The following PRRC2C variants were observed in gnomAD, a reference collection of about 807,000 sequenced individuals.
PRRC2C encodes the protein protein PRRC2C.
Under a neutral mutation model 317.2 loss-of-function variants are expected in PRRC2C, and 72 were observed. The observed-to-expected ratio is 0.23, with a 90% CI of 0.19 to 0.28. PRRC2C has a LOEUF of 0.28. Among genes scored for constraint, PRRC2C ranks in the 10% least tolerant of loss-of-function variants. The probability of loss-of-function intolerance (pLI) is 1.00; values close to 1 mark genes in which losing one functional copy is unlikely to be tolerated. For missense variants in PRRC2C, 3,074 were observed against 3,459.7 expected (o/e 0.89, Z 2.80); for synonymous variants, 1,296 against 1,205.9 (o/e 1.07, Z -1.55).
chr1:171,504,009 G>T (rs544180551), intron 1 of PRRC2C, among the ~76,000 whole-genome samples: 1 of 152,158 alleles, frequency 6.6e-6, no homozygotes, highest in East Asian at 1.9e-4. Flanking sequence ...CCCATGACAT[G>T]TGGGAATTGA....
At chr1:171,548,147 A>G (rs1167310058) in intron 17 of PRRC2C, among the ~76,000 whole-genome samples, 1 of 151,540 alleles carries the variant, frequency 6.6e-6, no homozygotes, top group African/African-American at 2.4e-5. Flanking sequence ...TTGTATTTTT[A>G]GTAGAGAGAG....
intron 1 of PRRC2C, among the ~76,000 whole-genome samples, chr1:171,494,027 T>TACTAAATATTG (rs1667666805): frequency 6.6e-6 from 1 of 152,214 alleles, no homozygotes; most frequent in Non-Finnish European, 1.5e-5. Context: ...TTGCCTGTGG[T>TACTAAATATTG]CACCTAGCTA....
In PRRC2C at chr1:171,586,919, T is replaced by C. The variant is rs570008912; in HGVS notation, c.7750-84T>C. 8.6e-6 allele frequency: 9 copies of C among 1,043,598 alleles called. No individual in the cohort carries two copies. The East Asian group carries it at 2.3e-4, about 27-fold the overall frequency. The allele number at this position is 1,043,598 out of a possible 1,614,324, so 64.6% of individuals were successfully genotyped here. On this transcript the variant is annotated intron_variant, in intron 30 of 34. Coordinates refer to ENST00000647382, the MANE Select transcript of PRRC2C (RefSeq NM_001387844.1). ...CTGTTTGAAATCTTACTCAAAAGTA[T>C]TTGAAGAGTTGTGTATAGTTGTATG...
intron 1 of PRRC2C, among the ~76,000 whole-genome samples, chr1:171,505,825 G>T (rs1231295532): frequency 6.6e-6 from 1 of 152,188 alleles, no homozygotes; most frequent in Non-Finnish European, 1.5e-5. Context: ...TCAGTCAACA[G>T]TGGGCCGCAT....
intron 34 of PRRC2C, among the ~76,000 whole-genome samples, chr1:171,590,176 T>C (rs1441019300): frequency 6.6e-6 from 1 of 152,192 alleles, no homozygotes; most frequent in Non-Finnish European, 1.5e-5. Context: ...CATACCCTTA[T>C]TGGCCTACCA....
chr1:171,577,698 T>A, intron 26 of PRRC2C, 61 bp downstream of exon 26: 1 of 1,452,020 alleles, frequency 6.9e-7, no homozygotes, highest in Non-Finnish European at 9.5e-7. Context: ...AAAATGCTTA[T>A]TTTTGTCTCT....
At chr1:171,529,932 G>A (rs1675455356) in intron 11 of PRRC2C, among the ~76,000 whole-genome samples, 1 of 152,130 alleles carries the variant, frequency 6.6e-6, no homozygotes, top group Non-Finnish European at 1.5e-5. Context: ...ACCCTACTGT[G>A]ATAGCTGTAC....
Position 171,522,203 on chromosome 1 carries a change from A to G in PRRC2C, c.777A>G (p.Thr259=), listed in dbSNP as rs375244990. ...TGTTCCAACAGTATCCGAGGATGAC[A>G]TATCCTCCTCTACATGGTCCCATGA... The part of the protein sequence containing the change: ...PYMFQQYPRM[T]YPPLHGPMRF... Residue 259 remains threonine, a synonymous_variant, in exon 7 of 35, where the codon ACA becomes ACG. Transcript: ENST00000647382. 6.3e-7 allele frequency: 1 copy of G among 1,594,562 alleles called. No homozygotes were observed. The highest frequency in any genetic ancestry group is 8.6e-7 in the Non-Finnish European group (1 of 1,165,514).
intron 27 of PRRC2C, 144 bp from the exon 28 acceptor site, chr1:171,579,684 T>A (rs1648067917): frequency 7.8e-7 from 1 of 1,286,426 alleles, no homozygotes; most frequent in African/African-American, 1.5e-5. Context: ...TTTAGATGTT[T>A]ACATTCAGTT....
chr1:171,537,230 C>G (rs1677002379), intron 14 of PRRC2C, 33 bp from the exon 15 acceptor site: 15 of 1,492,260 alleles, frequency 1.0e-5, no homozygotes, highest in African/African-American at 1.4e-5. Flanking sequence ...TTTCAAAATC[C>G]TCATTTCACC....
intron 10 of PRRC2C, among the ~76,000 whole-genome samples, chr1:171,526,803 A>ATGTTTTTTTTTTTT (rs1557918055): frequency 1.2e-5 from 1 of 85,796 alleles, no homozygotes; most frequent in African/African-American, 4.8e-5. Context: ...TCAGAAATAT[A>ATGTTTTTTTTTTTT]TCTTTTTTTT....
chr1:171,542,327 G>T, intron 16 of PRRC2C, 98 bp downstream of exon 16: 1 of 1,110,490 alleles, frequency 9.0e-7, no homozygotes, highest in Non-Finnish European at 1.3e-6. Flanking sequence ...TCTAGATAAA[G>T]GACCAAAAAA....
In PRRC2C at chr1:171,505,721, G is replaced by GT. The variant is rs113072877; in HGVS notation, c.-57-6306dup. 6.7e-3 allele frequency among the ~76,000 whole-genome samples: 1,023 copies of GT among 152,142 alleles called. 15 individuals are homozygous for GT. The highest frequency in any genetic ancestry group is 0.023 in the African/African-American group (970 of 41,498). On this transcript the variant is annotated intron_variant, in intron 1 of 34. Coordinates refer to ENST00000647382, the MANE Select transcript of PRRC2C (RefSeq NM_001387844.1). ...TTCCCTTCTATTCCTATTTATTGAG[G>GT]TTTTTGTTTTGTTTCTGTTTTTCAA... is the stretch of plus-strand genomic sequence containing the variant.
At chr1:171,528,915 G>T (rs2102399682) in intron 11 of PRRC2C, among the ~76,000 whole-genome samples, 1 of 151,696 alleles carries the variant, frequency 6.6e-6, no homozygotes, top group East Asian at 2.0e-4. Flanking sequence ...GGCTCAAGGG[G>T]TCCTCTCACC....
In PRRC2C at chr1:171,540,264, A is replaced by G. The variant is rs752391235; in HGVS notation, c.2798A>G (p.His933Arg). The change falls in exon 16 of 35, where the codon CAT (histidine) becomes CGT (arginine). Residue 933 changes from histidine to arginine, a missense_variant. Coordinates refer to ENST00000647382, the MANE Select transcript of PRRC2C (RefSeq NM_001387844.1). ...RKRSVSHGSNHTQKPDEQRSE... is the reference protein window; with the variant it reads ...RKRSVSHGSNRTQKPDEQRSE... ...AGAAGTGTTTCCCATGGATCTAACC[A>G]TACGCAAAAACCAGACGAGCAGAGA... 3 of 1,613,902 alleles carry G rather than the reference A, an allele frequency of 1.9e-6. No homozygotes were observed. Among genetic ancestry groups the G allele is most frequent in the African/African-American group, 1.3e-5 (1 of 75,032 alleles).
chr1:171,517,569 T>G (rs1276531322), intron 5 of PRRC2C, 22 bp from the exon 6 acceptor site: 1 of 1,587,982 alleles, frequency 6.3e-7, no homozygotes, highest in Admixed American at 1.8e-5. Flanking sequence ...TCTTTTTCCT[T>G]TTTTCTCTGC....
At chr1:171,585,587 C>T (rs1049925094) in intron 30 of PRRC2C, among the ~76,000 whole-genome samples, 5 of 152,104 alleles carry the variant, frequency 3.3e-5, no homozygotes, top group African/African-American at 1.2e-4. Context: ...CTTCTCATAG[C>T]TCATTTTGAC....
chr1:171,559,418 T>TTATGCTAAA (rs1312219930), intron 19 of PRRC2C, among the ~76,000 whole-genome samples: 1 of 151,384 alleles, frequency 6.6e-6, no homozygotes, highest in Non-Finnish European at 1.5e-5. Flanking sequence ...CCCTTAAAAA[T>TTATGCTAAA]TATGCTAAAT....
At chr1:171,590,127 A>G (rs1002812306) in intron 34 of PRRC2C, among the ~76,000 whole-genome samples, 42 of 151,832 alleles carry the variant, frequency 2.8e-4, no homozygotes, top group African/African-American at 9.9e-4. Context: ...TTTTTCCATT[A>G]TGAGTCATCA....
Sources: gnomAD v4.1 joint callset for allele counts (sites outside exome capture counted in the v4.1 genomes callset) on GRCh38, gnomAD v4.1.1 for gene constraint, MANE v1.5 for transcripts, NCBI Gene and HGNC (gene_info 2026-07-23, HGNC 2026-07-21) for gene names.